Variants in NXN observed in about 807,000 individuals in gnomAD.
The protein encoded by NXN is nucleoredoxin, also known as nucleoredoxin 1.
In NXN, 16 loss-of-function variants were observed where a neutral mutation model predicts 48.6. The observed-to-expected ratio is 0.33, with a 90% CI of 0.22 to 0.50. The LOEUF is 0.50. Ranked by LOEUF, NXN falls within the 20% of genes least tolerant of loss-of-function variation. NXN has a pLI of 0.98. For synonymous variants in NXN, 281 were observed against 269.6 expected, an observed-to-expected ratio of 1.04 and a Z score of -0.41; for missense variants, 492 against 605.5, an observed-to-expected ratio of 0.81 and a Z score of 1.97.
At chr17:964,188 T>C (rs1279718751) in intron 1 of NXN, among the ~76,000 whole-genome samples, 1 of 152,200 alleles carries the variant, frequency 6.6e-6, no homozygotes, top group Non-Finnish European at 1.5e-5. Flanking sequence ...GGCTTTCTAA[T>C]GTAAACAGTC....
intron 1 of NXN, among the ~76,000 whole-genome samples, chr17:827,795 G>A (rs1217672867): frequency 1.3e-5 from 2 of 152,222 alleles, no homozygotes; most frequent in Non-Finnish European, 2.9e-5. Flanking sequence ...AACAGGGCAA[G>A]GATGTGTGGC....
chr17:927,878 C>T (rs1335496171), intron 1 of NXN, among the ~76,000 whole-genome samples: 1 of 152,072 alleles, frequency 6.6e-6, no homozygotes, highest in Admixed American at 6.6e-5. Context: ...ACTGAGTCTG[C>T]ACGTGATGTT....
intron 1 of NXN, among the ~76,000 whole-genome samples, chr17:957,479 A>G (rs1045508887): frequency 2.0e-5 from 3 of 152,096 alleles, no homozygotes; most frequent in Non-Finnish European, 4.4e-5. Flanking sequence ...TAAAAATACA[A>G]AAATTACCTG....
At chr17:905,439 T>A (rs1186270989) in intron 1 of NXN, among the ~76,000 whole-genome samples, 3 of 151,884 alleles carry the variant, frequency 2.0e-5, no homozygotes, top group African/African-American at 4.8e-5. Flanking sequence ...AAAAGTGAAA[T>A]AAAGAATGTA....
chr17:838,093 CTA>C (rs1414682873), intron 1 of NXN, among the ~76,000 whole-genome samples: 3 of 144,428 alleles, frequency 2.1e-5, no homozygotes, highest in Admixed American at 6.9e-5. Context: ...TTTCATCTCT[CTA>C]AATCTCAGAA....
intron 1 of NXN, among the ~76,000 whole-genome samples, chr17:839,093 G>A (rs1913991615): frequency 6.6e-6 from 1 of 152,204 alleles, no homozygotes; most frequent in Non-Finnish European, 1.5e-5. Context: ...CTGTTGCTGT[G>A]AGAACTGGAT....
In NXN at chr17:958,375, G is replaced by A. The variant is rs184344225; in HGVS notation, c.360+20944C>T. Reference sequence around the variant, plus strand: ...TCAAAAACTGGAAGCAGCAGGGCGCGGTGGCTCGCACCTGTCATCCCAGTG... The same window carrying A: ...TCAAAAACTGGAAGCAGCAGGGCGCAGTGGCTCGCACCTGTCATCCCAGTG... On this transcript the variant is annotated intron_variant, in intron 1 of 7. Coordinates refer to ENST00000336868, the MANE Select transcript of NXN (RefSeq NM_022463.5). This position sits in a 1 kb window ranked among gnomAD's most constrained non-coding sequence, Gnocchi z 6.9. Among the ~76,000 whole-genome samples, 50 of 152,276 alleles carry A rather than the reference G, an allele frequency of 3.3e-4. No individual in the cohort carries two copies. Among genetic ancestry groups the A allele is most frequent in the East Asian group, 9.7e-4 (5 of 5,174 alleles).
intron 1 of NXN, among the ~76,000 whole-genome samples, chr17:965,603 G>A (rs1322055920): frequency 6.6e-6 from 1 of 152,084 alleles, no homozygotes; most frequent in East Asian, 1.9e-4. Context: ...CTGAGCAACT[G>A]ACTAACAGAC....
intron 1 of NXN, among the ~76,000 whole-genome samples, chr17:882,858 G>A (rs1414647671): frequency 6.6e-6 from 1 of 152,092 alleles, no homozygotes; most frequent in African/African-American, 2.4e-5. Flanking sequence ...TGTCTCCCGG[G>A]TTCAAGCGAT....
intron 1 of NXN, among the ~76,000 whole-genome samples, chr17:873,372 C>T (rs1306754154): frequency 1.3e-5 from 2 of 151,626 alleles, no homozygotes; most frequent in African/African-American, 4.9e-5. Flanking sequence ...TGGGGGGTGC[C>T]TGTAATCCCA....
intron 1 of NXN, among the ~76,000 whole-genome samples, chr17:962,894 G>C (rs2069254019): frequency 6.6e-6 from 1 of 152,140 alleles, no homozygotes; most frequent in Admixed American, 6.5e-5. Context: ...CAGTCCTAGA[G>C]GGGCCCCTCT....
intron 1 of NXN, among the ~76,000 whole-genome samples, chr17:870,579 CA>C (rs543470066): frequency 8.2e-5 from 12 of 145,980 alleles, no homozygotes; most frequent in Admixed American, 2.0e-4. Context: ...CCTGTCTCTA[CA>C]AAAAAAAAAG....
chr17:951,321 A>C (rs940422878), intron 1 of NXN, among the ~76,000 whole-genome samples: 1 of 150,070 alleles, frequency 6.7e-6, no homozygotes, highest in Non-Finnish European at 1.5e-5. Flanking sequence ...CTGCACTCCA[A>C]CCTGAGTGAC....
chr17:929,356 T>C (rs796437755), intron 1 of NXN, among the ~76,000 whole-genome samples: 19 of 152,338 alleles, frequency 1.2e-4, no homozygotes, highest in South Asian at 1.0e-3. Flanking sequence ...TCCAATTGGC[T>C]ACACGTTTTG....
At chr17:892,283 C>T (rs915041621) in intron 1 of NXN, among the ~76,000 whole-genome samples, 9 of 152,228 alleles carry the variant, frequency 5.9e-5, no homozygotes, top group African/African-American at 2.2e-4. Context: ...AAGCTAACCC[C>T]ACCATGCACA....
At chr17:846,371 C>T (rs1209493733) in intron 1 of NXN, among the ~76,000 whole-genome samples, 4 of 137,616 alleles carry the variant, frequency 2.9e-5, no homozygotes, top group Non-Finnish European at 6.0e-5. Flanking sequence ...GAGCCAAGAT[C>T]GTGCCACTGC....
intron 1 of NXN, among the ~76,000 whole-genome samples, chr17:931,952 T>C (rs1414369393): frequency 6.6e-6 from 1 of 151,890 alleles, no homozygotes; most frequent in African/African-American, 2.4e-5. Context: ...AAGACCAGCC[T>C]GGCCAAGACG....
Position 958,010 on chromosome 17 carries a change from C to A in NXN, c.360+21309G>T, listed in dbSNP as rs1286523288. On this transcript the variant is annotated intron_variant, in intron 1 of 7. Coordinates refer to ENST00000336868, the MANE Select transcript of NXN (RefSeq NM_022463.5). The surrounding 1 kb of genome is among the most constrained non-coding windows in gnomAD (Gnocchi z 6.9). Reference sequence around the variant, plus strand: ...CGGAGCACGGGCAGCCCCCATCACTCATCAGGTTCCAAACATGCATCCTCT... The same window carrying A: ...CGGAGCACGGGCAGCCCCCATCACTAATCAGGTTCCAAACATGCATCCTCT... 6.6e-6 allele frequency among the ~76,000 whole-genome samples: 1 copy of A among 152,158 alleles called. No homozygotes were observed. The highest frequency in any genetic ancestry group is 1.5e-5 in the Non-Finnish European group (1 of 68,024).
chr17:895,551 G>A (rs113577401), intron 1 of NXN, among the ~76,000 whole-genome samples: 7,189 of 151,076 alleles, frequency 0.048, 254 homozygotes, highest in South Asian at 0.068. Flanking sequence ...AGTGGCTCAC[G>A]CCTCTAATCC....
Sources: allele counts gnomAD v4.1 joint callset (sites outside exome capture counted in the v4.1 genomes callset), GRCh38; gene constraint gnomAD v4.1.1; non-coding constraint Gnocchi (gnomAD v3.1); transcripts MANE v1.5; gene names NCBI Gene and HGNC (gene_info 2026-07-23, HGNC 2026-07-21).